The following KIF5C variants were observed in gnomAD, a reference collection of about 807,000 sequenced individuals.
KIF5C encodes kinesin family member 5C, also known as kinesin heavy chain isoform 5C.
KIF5C carries 18 observed loss-of-function variants against 125.2 expected under a neutral mutation model. The observed-to-expected ratio is 0.14, with a 90% CI of 0.10 to 0.21. The LOEUF is 0.21. Ranked by LOEUF, KIF5C falls within the 10% of genes least tolerant of loss-of-function variation. KIF5C has a pLI of 1.00. For synonymous variants in KIF5C, 405 were observed against 434.0 expected (o/e 0.93, Z 0.83); for missense variants, 780 against 1,183.8 (o/e 0.66, Z 5.01).
Position 148,937,307 on chromosome 2 carries a change from C to T in KIF5C, c.315C>T (p.Leu105=). 1 of 1,599,870 alleles carries T rather than the reference C, an allele frequency of 6.3e-7. No homozygotes were observed. Among genetic ancestry groups the T allele is most frequent in the Non-Finnish European group, 8.5e-7 (1 of 1,172,612 alleles). ...TMEGKLHDPQ[L]MGIIPRIAHD... Reference sequence around the variant, plus strand: ...AGGGGAAGCTGCATGACCCCCAGCTCATGGGGATCATCCCACGAATTGCCC... The same window carrying T: ...AGGGGAAGCTGCATGACCCCCAGCTTATGGGGATCATCCCACGAATTGCCC... Residue 105 remains leucine, a synonymous_variant, in exon 4 of 26, where the codon CTC becomes CTT. Coordinates refer to ENST00000435030, the MANE Select transcript of KIF5C (RefSeq NM_004522.3).
At chr2:149,013,890 C>T (rs1250139511) in intron 25 of KIF5C, among the ~76,000 whole-genome samples, 2 of 152,140 alleles carry the variant, frequency 1.3e-5, no homozygotes, top group Non-Finnish European at 2.9e-5. Context: ...TCAAGACCTT[C>T]GGAGTGAAAG....
At chr2:148,994,566 C>CA in intron 17 of KIF5C, 28 bp downstream of exon 17, 1 of 1,550,166 alleles carries the variant, frequency 6.5e-7, no homozygotes, top group Non-Finnish European at 8.7e-7. Flanking sequence ...GTGCAGGTGT[C>CA]AAACACCTGG....
At chr2:148,906,272 T>G (rs1681104468) in intron 1 of KIF5C, among the ~76,000 whole-genome samples, 1 of 152,180 alleles carries the variant, frequency 6.6e-6, no homozygotes, top group Non-Finnish European at 1.5e-5. Flanking sequence ...CAAGTATGAG[T>G]GCCTGGAGGG....
chr2:148,913,639 G>A (rs369633078), intron 1 of KIF5C, among the ~76,000 whole-genome samples: 55 of 152,238 alleles, frequency 3.6e-4, no homozygotes, highest in African/African-American at 1.3e-3. Flanking sequence ...GTGTCACCAC[G>A]TGTTCCCATG....
chr2:148,920,627 C>T (rs1681747301), intron 1 of KIF5C, among the ~76,000 whole-genome samples: 1 of 152,196 alleles, frequency 6.6e-6, no homozygotes, highest in African/African-American at 2.4e-5. Flanking sequence ...GCTCCTTTAC[C>T]TGGCTGGTGC....
chr2:148,878,841 G>A (rs1429039593), intron 1 of KIF5C: 2 of 152,192 alleles, frequency 1.3e-5, no homozygotes, highest in Non-Finnish European at 2.9e-5. Flanking sequence ...TTCAAACAGA[G>A]ACAAGTAAAG....
At chr2:148,929,463 G>A in intron 3 of KIF5C, 109 bp downstream of exon 3, 7 of 646,210 alleles carry the variant, frequency 1.1e-5, no homozygotes, top group East Asian at 5.8e-5. Context: ...AAATAGAGAC[G>A]GTTATGTTTG....
At position 148,936,514 on chromosome 2, in the gene KIF5C, A is replaced by G. The variant is rs549478346; in HGVS notation, c.292-770A>G. Among the ~76,000 whole-genome samples, 158 of 152,344 alleles carry G rather than the reference A, an allele frequency of 1.0e-3. 1 individual carries two copies. Among genetic ancestry groups the G allele is most frequent in the South Asian group, 3.7e-3 (18 of 4,832 alleles). On this transcript the variant is annotated intron_variant, in intron 3 of 25. Coordinates refer to ENST00000435030, the MANE Select transcript of KIF5C (RefSeq NM_004522.3). Reference sequence around the variant, plus strand: ...AGGAGTTGCTGTCAGATCCTAAGGCATCTTTTCTAAAATCTTCAGGGGTGG... The same window carrying G: ...AGGAGTTGCTGTCAGATCCTAAGGCGTCTTTTCTAAAATCTTCAGGGGTGG...
intron 11 of KIF5C, among the ~76,000 whole-genome samples, chr2:148,968,606 TC>T (rs1680810330): frequency 6.6e-6 from 1 of 152,104 alleles, no homozygotes; most frequent in African/African-American, 2.4e-5. Context: ...TGTGGCCTGT[TC>T]AGGTGGTCAT....
At chr2:148,899,231 C>T (rs1268608302) in intron 1 of KIF5C, among the ~76,000 whole-genome samples, 2 of 152,176 alleles carry the variant, frequency 1.3e-5, no homozygotes, top group East Asian at 1.9e-4. Context: ...CCATATCTTA[C>T]TCTTTCCTTT....
At chr2:148,957,326 A>AT (rs145302047) in intron 10 of KIF5C, among the ~76,000 whole-genome samples, 21,025 of 151,674 alleles carry the variant, frequency 0.14, 2,216 homozygotes, top group African/African-American at 0.29. Context: ...GAGGAAACTG[A>AT]TTTTTTTTTC....
chr2:148,982,536 C>T (rs1681264204), intron 14 of KIF5C, among the ~76,000 whole-genome samples: 1 of 152,172 alleles, frequency 6.6e-6, no homozygotes, highest in Non-Finnish European at 1.5e-5. Context: ...ATGCTCCTCG[C>T]GGCATACATT....
intron 1 of KIF5C, chr2:148,878,495 G>C (rs1254807640): frequency 2.6e-5 from 4 of 152,200 alleles, no homozygotes; most frequent in Non-Finnish European, 5.9e-5. Flanking sequence ...AATATGGCTA[G>C]TGCTGCTATG....
chr2:148,894,766 T>A (rs1681795616), intron 1 of KIF5C, among the ~76,000 whole-genome samples: 1 of 151,492 alleles, frequency 6.6e-6, no homozygotes, highest in Admixed American at 6.6e-5. Context: ...TAATCACAAG[T>A]GTTCAGTAGT....
chr2:148,995,035 G>C (rs540132605), intron 17 of KIF5C, among the ~76,000 whole-genome samples: 24 of 152,104 alleles, frequency 1.6e-4, no homozygotes, highest in African/African-American at 5.8e-4. Flanking sequence ...CACTGAATCT[G>C]CTCATCTTCC....
chr2:148,991,149 T>A lies in KIF5C; in HGVS notation c.1856T>A (p.Met619Lys). Reference protein sequence around the residue: ...ESAQMDSNRKMNASERELAAC... With the variant: ...ESAQMDSNRKKNASERELAAC... ...GCCCAGATGGACTCCAACAGGAAGA[T>A]GAATGCCAGCGAGCGGGAGCTGGCA... The change falls in exon 16 of 26, where the codon ATG becomes AAG. Residue 619 changes from methionine (M) to lysine (K), a missense_variant. Physicochemically the swap from Met to Lys is moderately conservative, Grantham distance 95. Around this residue, in one of 2 missense-constraint regions of KIF5C, gnomAD observed 573 missense variants for 742.6 expected, o/e 0.77. Transcript: ENST00000435030. 1 of 1,613,934 alleles carries A rather than the reference T, an allele frequency of 6.2e-7. No homozygotes were observed. The highest frequency in any genetic ancestry group is 8.5e-7 in the Non-Finnish European group (1 of 1,179,848).
intron 11 of KIF5C, among the ~76,000 whole-genome samples, chr2:148,968,454 C>G (rs1480921947): frequency 1.3e-5 from 2 of 152,156 alleles, no homozygotes; most frequent in East Asian, 3.8e-4. Context: ...GATGCTGGCT[C>G]CCTTCTTAGA....
At chr2:148,928,964 A>C (rs1682106235) in intron 2 of KIF5C, among the ~76,000 whole-genome samples, 2 of 152,244 alleles carry the variant, frequency 1.3e-5, no homozygotes, top group Non-Finnish European at 2.9e-5. Flanking sequence ...CAAGAGATCA[A>C]CTTATAGAAG....
chr2:149,006,148 G>A (rs57737238), intron 22 of KIF5C, among the ~76,000 whole-genome samples: 3,407 of 152,278 alleles, frequency 0.022, 84 homozygotes, highest in Middle Eastern at 0.078. Flanking sequence ...TTTAAGGAAG[G>A]AGTCTGTTTA....
Sources: allele counts gnomAD v4.1 joint callset (sites outside exome capture counted in the v4.1 genomes callset), GRCh38; gene constraint gnomAD v4.1.1; regional missense constraint gnomAD v4.1.1; transcripts MANE v1.5; gene names NCBI Gene and HGNC (gene_info 2026-07-23, HGNC 2026-07-21).